LIPC: variants seen among roughly 807,000 people sequenced by gnomAD.
The protein encoded by LIPC is lipase C, hepatic type.
Under a neutral mutation model 50.7 loss-of-function variants are expected in LIPC, and 44 were observed. The ratio of observed to expected loss-of-function variants is 0.87; its 90% confidence interval spans 0.68 to 1.11. LIPC has a LOEUF of 1.11. Ranked by LOEUF, LIPC falls within the 50% of genes most tolerant of loss-of-function variation. The probability of loss-of-function intolerance (pLI) is 0.00; values close to 1 mark genes in which losing one functional copy is unlikely to be tolerated. For synonymous variants in LIPC, 271 were observed against 256.4 expected (o/e 1.06, Z -0.54); for missense variants, 697 against 648.2 (o/e 1.08, Z -0.82).
chr15:58,555,372 G>T (rs1288650370), intron 6 of LIPC, among the ~76,000 whole-genome samples: 1 of 152,220 alleles, frequency 6.6e-6, no homozygotes, highest in African/African-American at 2.4e-5. Context: ...CAGGCAGTTT[G>T]TCTTGGTGGC....
chr15:58,523,871 G>T (rs969597857), intron 1 of LIPC, among the ~76,000 whole-genome samples: 2 of 151,708 alleles, frequency 1.3e-5, no homozygotes, highest in African/African-American at 4.8e-5. Flanking sequence ...AGAGGTCAAG[G>T]CTGCAGTGAG....
At chr15:58,472,619 C>T (rs1384799232) in intron 1 of LIPC, among the ~76,000 whole-genome samples, 1 of 150,792 alleles carries the variant, frequency 6.6e-6, no homozygotes, top group Non-Finnish European at 1.5e-5. Flanking sequence ...TCAAGGGGCT[C>T]ACAGCCTGTG....
chr15:58,527,327 C>G (rs543995674), intron 1 of LIPC, among the ~76,000 whole-genome samples: 14 of 152,214 alleles, frequency 9.2e-5, no homozygotes, highest in African/African-American at 3.1e-4. Context: ...TCAGGCAAGT[C>G]TCAAAGAAGA....
chr15:58,466,428 C>T (rs193293949), intron 1 of LIPC, among the ~76,000 whole-genome samples: 10 of 152,320 alleles, frequency 6.6e-5, no homozygotes, highest in Admixed American at 2.0e-4. Context: ...GAACCTTGAA[C>T]AAGCCACTTA....
At chr15:58,513,279 G>T (rs1261583999) in intron 1 of LIPC, among the ~76,000 whole-genome samples, 1 of 152,186 alleles carries the variant, frequency 6.6e-6, no homozygotes, top group Non-Finnish European at 1.5e-5. Context: ...CATTAACAAG[G>T]CTTCAGTCAG....
At chr15:58,498,293 T>C (rs781276433) in intron 1 of LIPC, among the ~76,000 whole-genome samples, 23 of 152,114 alleles carry the variant, frequency 1.5e-4, no homozygotes, top group Non-Finnish European at 2.1e-4. Context: ...TGTGGTTCAA[T>C]AGGTCTAGAG....
At chr15:58,538,303 C>T (rs1893204949) in intron 1 of LIPC, 30 bp from the exon 2 acceptor site, 2 of 1,611,832 alleles carry the variant, frequency 1.2e-6, no homozygotes, top group Non-Finnish European at 1.7e-6. Flanking sequence ...AGATGCCAGG[C>T]TAAGCACCGT....
chr15:58,542,024 G>A, intron 3 of LIPC, 57 bp downstream of exon 3: 1 of 1,541,792 alleles, frequency 6.5e-7, no homozygotes, highest in Non-Finnish European at 8.8e-7. Context: ...CTTCCTCTGA[G>A]AGTGAATGAA....
intron 6 of LIPC, among the ~76,000 whole-genome samples, chr15:58,555,106 G>A (rs1257711806): frequency 1.3e-5 from 2 of 152,138 alleles, no homozygotes; most frequent in African/African-American, 4.8e-5. Flanking sequence ...CAAGCTAAAG[G>A]GGCCTTTGCA....
intron 1 of LIPC, among the ~76,000 whole-genome samples, chr15:58,530,587 G>C (rs1032665560): frequency 6.6e-6 from 1 of 152,194 alleles, no homozygotes; most frequent in African/African-American, 2.4e-5. Flanking sequence ...ATGTGCACTT[G>C]TGTAACCATG....
intron 1 of LIPC, among the ~76,000 whole-genome samples, chr15:58,499,861 G>A (rs1166810404): frequency 1.3e-5 from 2 of 152,338 alleles, no homozygotes; most frequent in African/African-American, 4.8e-5. Context: ...TAAATAGGAT[G>A]TGGTCACGGT....
intron 1 of LIPC, among the ~76,000 whole-genome samples, chr15:58,446,639 C>T (rs1207095394): frequency 1.3e-5 from 2 of 152,134 alleles, no homozygotes; most frequent in Non-Finnish European, 2.9e-5. Flanking sequence ...TCTTGCGGAC[C>T]TCTCTCCCAT....
Position 58,438,257 on chromosome 15 carries a change from G to A in LIPC, c.88+6137G>A, listed in dbSNP as rs143749926. Among the ~76,000 whole-genome samples the A allele has an allele frequency of 2.6e-5, 4 of 152,230 alleles. No individual in the cohort carries two copies. In the East Asian group the frequency reaches 7.7e-4, roughly 29 times the overall value. ...GAGAGGCAGAAAGAGGCTGGGCCCC[G>A]AGACAGGGCAGAACAGTCCCCATTT... is the stretch of plus-strand genomic sequence containing the variant. On this transcript the variant is annotated intron_variant, in intron 1 of 8. Transcript: ENST00000299022.
At chr15:58,536,760 A>T (rs1263731770) in intron 1 of LIPC, among the ~76,000 whole-genome samples, 1 of 152,052 alleles carries the variant, frequency 6.6e-6, no homozygotes, top group Non-Finnish European at 1.5e-5. Context: ...TCTTGCTCAC[A>T]CCTCCTTTTA....
intron 1 of LIPC, among the ~76,000 whole-genome samples, chr15:58,474,140 T>G (rs1022772126): frequency 1.3e-5 from 2 of 152,214 alleles, no homozygotes; most frequent in African/African-American, 4.8e-5. Context: ...TCCAGGGGAC[T>G]AGGCCCTTTG....
chr15:58,477,572 G>T (rs1211014180), intron 1 of LIPC, among the ~76,000 whole-genome samples: 2 of 152,118 alleles, frequency 1.3e-5, no homozygotes, highest in Non-Finnish European at 2.9e-5. Flanking sequence ...AAAATGAAAG[G>T]GTTAGAAAAT....
intron 1 of LIPC, among the ~76,000 whole-genome samples, chr15:58,511,241 A>G (rs1257626480): frequency 6.6e-6 from 1 of 152,078 alleles, no homozygotes; most frequent in Admixed American, 6.5e-5. Flanking sequence ...TCAGCTGTTC[A>G]TTCAACTCAA....
chr15:58,537,362 C>T (rs1420769482), intron 1 of LIPC, among the ~76,000 whole-genome samples: 1 of 152,210 alleles, frequency 6.6e-6, no homozygotes, highest in African/African-American at 2.4e-5. Flanking sequence ...AGAAGAGAGG[C>T]TGGAAGGCCC....
intron 6 of LIPC, among the ~76,000 whole-genome samples, chr15:58,555,897 C>G (rs756236051): frequency 2.2e-4 from 34 of 152,204 alleles, no homozygotes; most frequent in African/African-American, 8.2e-4. Context: ...TCTCTCTTCT[C>G]CGCCCTGATC....
Sources: allele counts gnomAD v4.1 joint callset (sites outside exome capture counted in the v4.1 genomes callset), GRCh38; gene constraint gnomAD v4.1.1; transcripts MANE v1.5; gene names NCBI Gene and HGNC (gene_info 2026-07-23, HGNC 2026-07-21).